RALYL: variants seen among roughly 807,000 people sequenced by gnomAD.
The protein encoded by RALYL is RNA-binding Raly-like protein.
A neutral mutation model predicts 35.1 loss-of-function variants in RALYL; 29 were observed. The observed-to-expected ratio is 0.83, with a 90% CI of 0.61 to 1.13. RALYL has a LOEUF of 1.13. Among genes scored for constraint, RALYL ranks in the 50% most tolerant of loss-of-function variants. The probability of loss-of-function intolerance (pLI) is 0.00; values close to 1 mark genes in which losing one functional copy is unlikely to be tolerated. For synonymous variants in RALYL, 120 were observed against 127.6 expected (o/e 0.94, Z 0.40); for missense variants, 359 against 360.4 (o/e 1.00, Z 0.03).
chr8:84,846,536 T>C (rs1834698063), intron 4 of RALYL, among the ~76,000 whole-genome samples: 1 of 152,212 alleles, frequency 6.6e-6, no homozygotes. Context: ...TAGAGTGAGT[T>C]AGAGAGAAGT....
intron 1 of RALYL, among the ~76,000 whole-genome samples, chr8:84,339,695 A>G (rs1848440865): frequency 1.3e-5 from 2 of 152,038 alleles, no homozygotes; most frequent in African/African-American, 4.8e-5. Flanking sequence ...GTTACAAAAA[A>G]GCTTAGGGAC....
intron 2 of RALYL, chr8:84,679,632 T>C: frequency 2.1e-6 from 1 of 478,534 alleles, no homozygotes; most frequent in Non-Finnish European, 4.2e-6. Flanking sequence ...AGAGCTCAGT[T>C]TGATGATGGT....
intron 4 of RALYL, among the ~76,000 whole-genome samples, chr8:84,830,630 A>T (rs1434089807): frequency 6.6e-6 from 1 of 152,212 alleles, no homozygotes; most frequent in Non-Finnish European, 1.5e-5. Context: ...AATAATATTT[A>T]TATGGTTATA....
At chr8:84,740,309 A>C (rs992340961) in intron 2 of RALYL, among the ~76,000 whole-genome samples, 5 of 151,982 alleles carry the variant, frequency 3.3e-5, no homozygotes, top group Non-Finnish European at 7.4e-5. Flanking sequence ...AATGCTGAGA[A>C]ATGAGGAAAA....
chr8:84,744,693 C>T (rs1808200025), intron 2 of RALYL, among the ~76,000 whole-genome samples: 1 of 151,940 alleles, frequency 6.6e-6, no homozygotes, highest in South Asian at 2.1e-4. Flanking sequence ...AAAGGAAGGT[C>T]ATTAACTGTG....
intron 2 of RALYL, among the ~76,000 whole-genome samples, chr8:84,700,519 A>T (rs895397723): frequency 6.6e-6 from 1 of 152,108 alleles, no homozygotes; most frequent in African/African-American, 2.4e-5. Flanking sequence ...TTTTAGCAAC[A>T]GTCAAGAATA....
At chr8:84,592,213 G>A (rs949287939) in intron 2 of RALYL, among the ~76,000 whole-genome samples, 5 of 152,144 alleles carry the variant, frequency 3.3e-5, no homozygotes, top group Admixed American at 6.5e-5. Context: ...TTTCCATACC[G>A]CAGGGAATAG....
At chr8:84,276,871 A>G (rs893524671) in intron 1 of RALYL, among the ~76,000 whole-genome samples, 1 of 152,270 alleles carries the variant, frequency 6.6e-6, no homozygotes, top group African/African-American at 2.4e-5. Context: ...TGAAACATTT[A>G]CAATGACTAG....
intron 2 of RALYL, among the ~76,000 whole-genome samples, chr8:84,763,558 A>T (rs1196025385): frequency 1.3e-5 from 2 of 152,202 alleles, no homozygotes; most frequent in Non-Finnish European, 2.9e-5. Flanking sequence ...TGTTAAGCAA[A>T]GTTCTAAACA....
intron 1 of RALYL, among the ~76,000 whole-genome samples, chr8:84,305,502 A>G (rs1262668469): frequency 4.6e-5 from 7 of 152,250 alleles, no homozygotes; most frequent in Non-Finnish European, 1.0e-4. Context: ...ATTGTGTAAA[A>G]TGTGAGAAAA....
intron 4 of RALYL, among the ~76,000 whole-genome samples, chr8:84,816,047 A>AG (rs1827217320): frequency 6.6e-6 from 1 of 151,206 alleles, no homozygotes; most frequent in South Asian, 2.1e-4. Context: ...AAAAAAAAAA[A>AG]AAAAAGAAAA....
At chr8:84,448,923 C>T (rs570293029) in intron 1 of RALYL, among the ~76,000 whole-genome samples, 12 of 152,044 alleles carry the variant, frequency 7.9e-5, no homozygotes, top group East Asian at 3.9e-4. Context: ...AGCAAAAAAC[C>T]GTCAGAATCT....
At chr8:84,448,353 T>A (rs1305436797) in intron 1 of RALYL, among the ~76,000 whole-genome samples, 1 of 152,034 alleles carries the variant, frequency 6.6e-6, no homozygotes, top group Non-Finnish European at 1.5e-5. Flanking sequence ...TGCTCCAATT[T>A]TAGTTGTTGA....
intron 2 of RALYL, among the ~76,000 whole-genome samples, chr8:84,691,088 C>T (rs1837948139): frequency 6.6e-6 from 1 of 152,070 alleles, no homozygotes; most frequent in Non-Finnish European, 1.5e-5. Flanking sequence ...AGTCAAAGCA[C>T]TGTTTGAAGA....
chr8:84,349,022 T>G (rs1165285833), intron 1 of RALYL, among the ~76,000 whole-genome samples: 9 of 150,126 alleles, frequency 6.0e-5, no homozygotes, highest in Non-Finnish European at 1.3e-4. Flanking sequence ...TGGTTTAGAT[T>G]TGCTGCTTAA....
chr8:84,418,647 G>T (rs1222633837), intron 1 of RALYL, among the ~76,000 whole-genome samples: 1 of 152,056 alleles, frequency 6.6e-6, no homozygotes, highest in African/African-American at 2.4e-5. Flanking sequence ...CAGAAAAAAA[G>T]AAAAGAATCA....
chr8:84,549,178 C>T lies in RALYL; in HGVS notation c.256+19601C>T, dbSNP rs750445709. On this transcript the variant is annotated intron_variant, in intron 2 of 8. Transcript: ENST00000521268. The stretch of plus-strand genomic sequence containing the variant: ...AATTTCTCTCCATGTGCTTACTCAT[C>T]TTTGAGGGTTCATGGCATATTTTTG... Among the ~76,000 whole-genome samples the T allele has an allele frequency of 4.6e-5, 7 of 152,316 alleles. No individual in the cohort carries two copies. In the South Asian group the frequency reaches 1.4e-3, roughly 32 times the overall value.
At chr8:84,759,363 T>C (rs1436786899) in intron 2 of RALYL, among the ~76,000 whole-genome samples, 2 of 152,152 alleles carry the variant, frequency 1.3e-5, no homozygotes, top group Non-Finnish European at 2.9e-5. Context: ...AGAATCATCC[T>C]CCTGCCCAAA....
At chr8:84,712,491 T>C (rs1441609938) in intron 2 of RALYL, among the ~76,000 whole-genome samples, 1 of 151,056 alleles carries the variant, frequency 6.6e-6, no homozygotes, top group Non-Finnish European at 1.5e-5. Context: ...AATCTGATGA[T>C]ATTCATGTAT....
Sources: gnomAD v4.1 joint callset for allele counts (sites outside exome capture counted in the v4.1 genomes callset) on GRCh38, gnomAD v4.1.1 for gene constraint, MANE v1.5 for transcripts, NCBI Gene and HGNC (gene_info 2026-07-23, HGNC 2026-07-21) for gene names.